The following CMIP variants were observed in gnomAD, a reference collection of about 807,000 sequenced individuals.
CMIP encodes C-Maf-inducing protein.
In CMIP, 13 loss-of-function variants were observed where a neutral mutation model predicts 97.3. The observed-to-expected ratio is 0.13, with a 90% CI of 0.09 to 0.21. CMIP has a LOEUF of 0.21. Ranked by LOEUF, CMIP falls within the 10% of genes least tolerant of loss-of-function variation. The pLI, the probability that CMIP is intolerant of heterozygous loss-of-function variation, is 1.00. For missense variants in CMIP, 847 were observed against 1,024.9 expected (o/e 0.83, Z 2.37); for synonymous variants, 538 against 436.3 (o/e 1.23, Z -2.91).
chr16:81,531,404 G>A (rs1311083190), intron 1 of CMIP, among the ~76,000 whole-genome samples: 1 of 152,210 alleles, frequency 6.6e-6, no homozygotes. Context: ...CTTTAAGAAA[G>A]CACATTGCTG....
At chr16:81,597,078 C>G (rs1218248653) in intron 1 of CMIP, among the ~76,000 whole-genome samples, 1 of 152,118 alleles carries the variant, frequency 6.6e-6, no homozygotes, top group Non-Finnish European at 1.5e-5. Context: ...TGGGTAGTTT[C>G]TAGTTTGGGC....
At chr16:81,524,262 C>G (rs1391321929) in intron 1 of CMIP, among the ~76,000 whole-genome samples, 1 of 152,336 alleles carries the variant, frequency 6.6e-6, no homozygotes, top group East Asian at 1.9e-4. Context: ...TTGAGCACCT[C>G]CTCTGTAGTG....
intron 1 of CMIP, among the ~76,000 whole-genome samples, chr16:81,470,803 T>C (rs966300640): frequency 2.6e-5 from 4 of 152,372 alleles, no homozygotes; most frequent in African/African-American, 9.6e-5. Flanking sequence ...ATTGGTTCCA[T>C]ATAGTTTGTA....
At chr16:81,645,714 G>A in intron 3 of CMIP, 1 of 1,280,262 alleles carries the variant, frequency 7.8e-7, no homozygotes, top group East Asian at 2.5e-5. Flanking sequence ...TGGCTGGTGG[G>A]GCTTGGGCTC....
At chr16:81,590,923 G>A (rs1401983908) in intron 1 of CMIP, among the ~76,000 whole-genome samples, 1 of 152,024 alleles carries the variant, frequency 6.6e-6, no homozygotes, top group African/African-American at 2.4e-5. Context: ...CCCACTACTT[G>A]TCTTTGTAAA....
intron 3 of CMIP, among the ~76,000 whole-genome samples, chr16:81,638,179 T>A (rs1419768627): frequency 1.3e-5 from 2 of 152,244 alleles, no homozygotes; most frequent in Admixed American, 1.3e-4. Context: ...GTATACTTCC[T>A]GGGGATACTC....
chr16:81,581,530 A>G (rs2091296147), intron 1 of CMIP, among the ~76,000 whole-genome samples: 1 of 152,228 alleles, frequency 6.6e-6, no homozygotes, highest in Non-Finnish European at 1.5e-5. Context: ...ATGGAATCAT[A>G]ATCTTATGGA....
At chr16:81,515,522 C>T (rs8053235) in intron 1 of CMIP, among the ~76,000 whole-genome samples, 8,388 of 152,170 alleles carry the variant, frequency 0.055, 253 homozygotes, top group South Asian at 0.11. Flanking sequence ...GAGCACAGGG[C>T]CAGGGCTGGG....
intron 9 of CMIP, among the ~76,000 whole-genome samples, chr16:81,673,313 G>T (rs11644249): frequency 6.6e-6 from 1 of 151,902 alleles, no homozygotes; most frequent in African/African-American, 2.4e-5. Context: ...GTTAGGAGTT[G>T]GAGACCAGCC....
At position 81,710,311 on chromosome 16, in the gene CMIP, T is replaced by C. The variant is rs925475558; in HGVS notation, c.*512T>C. 3 of 161,180 alleles carry C rather than the reference T, an allele frequency of 1.9e-5. No individual in the cohort carries two copies. The highest frequency in any genetic ancestry group is 5.8e-5 in the Admixed American group (1 of 17,244). 10.0% of individuals were successfully genotyped at this position (161,180 alleles called of 1,614,324 possible). On this transcript the variant is annotated 3_prime_UTR_variant, in exon 21 of 21. Coordinates refer to ENST00000537098, the MANE Select transcript of CMIP (RefSeq NM_198390.3). The stretch of plus-strand genomic sequence containing the variant: ...CCTCACCATTGCTATGCAAAGTGAT[T>C]CTTGTTGTACATAAGATTTAAATAA...
chr16:81,482,639 C>T (rs1362325630), intron 1 of CMIP, among the ~76,000 whole-genome samples: 2 of 152,198 alleles, frequency 1.3e-5, no homozygotes, highest in South Asian at 2.1e-4. Flanking sequence ...CACCTAGGAG[C>T]TTCCCTTTCA....
chr16:81,533,732 G>C (rs558226938), intron 1 of CMIP, among the ~76,000 whole-genome samples: 10 of 152,292 alleles, frequency 6.6e-5, no homozygotes, highest in Admixed American at 4.6e-4. Flanking sequence ...ACCTGCCTCT[G>C]CCTCCCTAAG....
chr16:81,445,484 G>C lies in CMIP; in HGVS notation c.243G>C (p.Leu81=). 1 of 1,557,498 alleles carries C rather than the reference G, an allele frequency of 6.4e-7. No homozygotes were observed. The highest frequency in any genetic ancestry group is 8.7e-7 in the Non-Finnish European group (1 of 1,150,736). The change falls in exon 1 of 21, where the codon CTG becomes CTC. Residue 81 remains leucine (L), a synonymous_variant. Transcript: ENST00000537098. ...GCAAGATCCTCACCTCGAAATTCCTGAGGCGCTGGGAGCCGCACCACCTAA... is the reference window on the plus strand; with the variant it reads ...GCAAGATCCTCACCTCGAAATTCCTCAGGCGCTGGGAGCCGCACCACCTAA... ...FLSKILTSKF[L]RRWEPHHLTL...
intron 3 of CMIP, among the ~76,000 whole-genome samples, chr16:81,649,246 C>G (rs2092399708): frequency 6.6e-6 from 1 of 152,380 alleles, no homozygotes; most frequent in South Asian, 2.1e-4. Context: ...TCTGCAGACT[C>G]TCCCATGGAT....
chr16:81,447,033 T>C (rs944671610), intron 1 of CMIP, among the ~76,000 whole-genome samples: 3 of 152,128 alleles, frequency 2.0e-5, no homozygotes, highest in African/African-American at 7.2e-5. Flanking sequence ...GGCTGGTGCA[T>C]GTTCTCAAGC....
At chr16:81,706,184 C>G (rs3808613) in intron 19 of CMIP, among the ~76,000 whole-genome samples, 1 of 152,108 alleles carries the variant, frequency 6.6e-6, no homozygotes, top group South Asian at 2.1e-4. Context: ...GCCCGGGATT[C>G]TGTATTTGAC....
At chr16:81,517,881 G>A (rs923220816) in intron 1 of CMIP, 1 of 971,246 alleles carries the variant, frequency 1.0e-6, no homozygotes, top group Non-Finnish European at 1.2e-6. Flanking sequence ...GTTGGCAGTG[G>A]CTGCAGACAT....
chr16:81,598,217 C>T (rs1175149455), intron 1 of CMIP, among the ~76,000 whole-genome samples: 1 of 151,650 alleles, frequency 6.6e-6, no homozygotes, highest in African/African-American at 2.4e-5. Context: ...GAGGGTATCG[C>T]CTACAACAGA....
At chr16:81,572,921 C>T (rs1045799636) in intron 1 of CMIP, among the ~76,000 whole-genome samples, 6 of 152,202 alleles carry the variant, frequency 3.9e-5, no homozygotes, top group African/African-American at 1.2e-4. Flanking sequence ...CATGATTGGT[C>T]CCTGCCTCAC....
Sources: allele counts gnomAD v4.1 joint callset (sites outside exome capture counted in the v4.1 genomes callset), GRCh38; gene constraint gnomAD v4.1.1; transcripts MANE v1.5; gene names NCBI Gene and HGNC (gene_info 2026-07-23, HGNC 2026-07-21).